The following SORCS2 variants were observed in gnomAD, a reference collection of about 807,000 sequenced individuals.
The protein encoded by SORCS2 is VPS10 domain-containing receptor SorCS2.
In SORCS2, 100 loss-of-function variants were observed where a neutral mutation model predicts 141.6. The observed-to-expected ratio is 0.71, with a 90% CI of 0.60 to 0.83. The LOEUF (loss-of-function observed/expected upper bound fraction) is 0.83. SORCS2 is among the 40% of genes least tolerant of loss of function. SORCS2 has a pLI of 0.00. For synonymous variants in SORCS2, 789 were observed against 676.9 expected (o/e 1.17, Z -2.57); for missense variants, 1,646 against 1,560.2 (o/e 1.05, Z -0.93).
rs139983356 is a variant in SORCS2, at chr4:7,390,455, A to G, written c.481-5833A>G. On this transcript the variant is annotated intron_variant, in intron 1 of 26. Coordinates refer to ENST00000507866, the MANE Select transcript of SORCS2 (RefSeq NM_020777.3). The stretch of plus-strand genomic sequence containing the variant: ...AAGAGGCGATGCCGAGTGCTCCTGA[A>G]GAGCAAACCTGGTAAAGACGAAGCT... Among the ~76,000 whole-genome samples, 225 of 152,346 alleles carry G rather than the reference A, an allele frequency of 1.5e-3. 1 individual carries two copies. The highest frequency in any genetic ancestry group is 5.2e-3 in the African/African-American group (218 of 41,584).
intron 2 of SORCS2, among the ~76,000 whole-genome samples, chr4:7,398,023 A>G (rs1313317878): frequency 1.3e-5 from 2 of 152,234 alleles, no homozygotes; most frequent in Non-Finnish European, 2.9e-5. Context: ...GCAGCCTCTC[A>G]GCATGGCTGG....
At chr4:7,639,819 G>A (rs1167053688) in intron 4 of SORCS2, among the ~76,000 whole-genome samples, 1 of 151,508 alleles carries the variant, frequency 6.6e-6, no homozygotes, top group African/African-American at 2.4e-5. Flanking sequence ...TTGAGTGTGA[G>A]GGTGTGTTTT....
chr4:7,588,224 A>G (rs1716671460), intron 3 of SORCS2, among the ~76,000 whole-genome samples: 1 of 152,160 alleles, frequency 6.6e-6, no homozygotes, highest in South Asian at 2.1e-4. Context: ...TTGAGAGCCC[A>G]TTTCTCAAGT....
intron 1 of SORCS2, among the ~76,000 whole-genome samples, chr4:7,294,124 AC>A (rs1464355138): frequency 1.3e-5 from 2 of 152,134 alleles, no homozygotes; most frequent in Non-Finnish European, 2.9e-5. Flanking sequence ...CTGGTTAGTT[AC>A]GTCTCATCAG....
At chr4:7,723,944 T>TG in intron 19 of SORCS2, 61 bp downstream of exon 19, 1 of 1,485,576 alleles carries the variant, frequency 6.7e-7, no homozygotes, top group Non-Finnish European at 8.9e-7. Context: ...AACCTGGCTT[T>TG]GGGGGAAACA....
At chr4:7,690,267 G>A (rs1183009459) in intron 11 of SORCS2, among the ~76,000 whole-genome samples, 1 of 135,376 alleles carries the variant, frequency 7.4e-6, no homozygotes, top group Non-Finnish European at 1.6e-5. Context: ...TAGATGGATA[G>A]ATGAATGTAT....
intron 2 of SORCS2, among the ~76,000 whole-genome samples, chr4:7,529,876 A>C (rs1733917165): frequency 6.6e-6 from 1 of 152,026 alleles, no homozygotes; most frequent in East Asian, 1.9e-4. Context: ...CCCTGGGGAG[A>C]CCAGGGGCAG....
chr4:7,277,618 G>T (rs1715588071), intron 1 of SORCS2, among the ~76,000 whole-genome samples: 3 of 151,992 alleles, frequency 2.0e-5, no homozygotes, highest in Non-Finnish European at 2.9e-5. Context: ...TGGATTAGAC[G>T]GGGGAGATGA....
At chr4:7,543,810 A>ACCCATCTGTCCATCCATCCACTCATCCG (rs1712968930) in intron 3 of SORCS2, among the ~76,000 whole-genome samples, 1 of 19,790 alleles carries the variant, frequency 5.1e-5, no homozygotes. Context: ...CCATCCATCC[A>ACCCATCTGTCCATCCATCCACTCATCCG]TCCATCCATC....
chr4:7,546,244 A>G (rs1424385366), intron 3 of SORCS2, among the ~76,000 whole-genome samples: 1 of 152,144 alleles, frequency 6.6e-6, no homozygotes, highest in Non-Finnish European at 1.5e-5. Flanking sequence ...AGAGGCATCC[A>G]GGGACCAAGC....
At chr4:7,534,561 G>T (rs1711952421) in intron 3 of SORCS2, among the ~76,000 whole-genome samples, 2 of 152,334 alleles carry the variant, frequency 1.3e-5, no homozygotes, top group South Asian at 4.1e-4. Context: ...TGATGGGAAG[G>T]TTCTCCTGGG....
chr4:7,474,331 C>T (rs1390631846), intron 2 of SORCS2, among the ~76,000 whole-genome samples: 1 of 152,226 alleles, frequency 6.6e-6, no homozygotes, highest in East Asian at 1.9e-4. Flanking sequence ...CTGAGTGGCT[C>T]CTGTCCCCTC....
At chr4:7,385,790 G>A (rs1172089997) in intron 1 of SORCS2, among the ~76,000 whole-genome samples, 2 of 152,212 alleles carry the variant, frequency 1.3e-5, no homozygotes, top group Admixed American at 1.3e-4. Context: ...AAGGGGCAGG[G>A]CACTGCCAAG....
At chr4:7,640,546 A>T (rs911343850) in intron 4 of SORCS2, among the ~76,000 whole-genome samples, 2 of 151,074 alleles carry the variant, frequency 1.3e-5, no homozygotes, top group African/African-American at 4.9e-5. Flanking sequence ...GTGTGTGTAG[A>T]TCTCCCTCTG....
At chr4:7,285,854 G>A (rs1241963689) in intron 1 of SORCS2, among the ~76,000 whole-genome samples, 2 of 152,226 alleles carry the variant, frequency 1.3e-5, no homozygotes, top group Non-Finnish European at 2.9e-5. Flanking sequence ...AGTGAGTTCA[G>A]ATGCTCCTGC....
chr4:7,723,639 C>T, intron 18 of SORCS2, 58 bp from the exon 19 acceptor site: 3 of 1,581,052 alleles, frequency 1.9e-6, no homozygotes, highest in East Asian at 2.2e-5. Flanking sequence ...GAATGAACCA[C>T]TCTGGCCCCT....
At chr4:7,627,213 G>A (rs1719567508) in intron 3 of SORCS2, among the ~76,000 whole-genome samples, 1 of 152,138 alleles carries the variant, frequency 6.6e-6, no homozygotes, top group South Asian at 2.1e-4. Flanking sequence ...TCAAACTCCT[G>A]GACTCAAGCG....
intron 1 of SORCS2, among the ~76,000 whole-genome samples, chr4:7,355,578 C>T (rs1335988025): frequency 6.6e-6 from 1 of 152,140 alleles, no homozygotes; most frequent in Admixed American, 6.5e-5. Flanking sequence ...CAGAGTCCTT[C>T]ACTTCTCCTG....
At chr4:7,426,184 C>G (rs1015469601) in intron 2 of SORCS2, among the ~76,000 whole-genome samples, 1 of 152,216 alleles carries the variant, frequency 6.6e-6, no homozygotes. Context: ...CCGGGAGTTG[C>G]GGGCCAGGGC....
Sources: allele counts gnomAD v4.1 joint callset (sites outside exome capture counted in the v4.1 genomes callset), GRCh38; gene constraint gnomAD v4.1.1; transcripts MANE v1.5; gene names NCBI Gene and HGNC (gene_info 2026-07-23, HGNC 2026-07-21).